The following CACNA1H variants were observed in gnomAD, a reference collection of about 807,000 sequenced individuals.
The protein encoded by CACNA1H is voltage-dependent T-type calcium channel subunit alpha-1H.
A neutral mutation model predicts 192.5 loss-of-function variants in CACNA1H; 149 were observed. The ratio of observed to expected loss-of-function variants is 0.77; its 90% CI spans 0.68 to 0.89. CACNA1H has a LOEUF of 0.89. Ranked by LOEUF, CACNA1H falls within the 40% of genes least tolerant of loss-of-function variation. The pLI is 0.00. For synonymous variants in CACNA1H, 2,202 were observed against 1,475.2 expected (o/e 1.49, Z -11.29); for missense variants, 4,257 against 3,423.5 (o/e 1.24, Z -6.08).
intron 17 of CACNA1H, 61 bp from the exon 18 acceptor site, chr16:1,209,974 C>A: frequency 7.8e-7 from 1 of 1,279,748 alleles, no homozygotes; most frequent in Non-Finnish European, 1.1e-6. Flanking sequence ...GCACAGAGGG[C>A]CCTGATGGGG....
intron 2 of CACNA1H, among the ~76,000 whole-genome samples, chr16:1,174,024 C>T (rs904718407): frequency 1.3e-5 from 2 of 152,168 alleles, no homozygotes; most frequent in Admixed American, 6.5e-5. Flanking sequence ...TCACATCATG[C>T]GGGCCTGTGG....
chr16:1,218,373 C>T lies in CACNA1H; in HGVS notation c.5609C>T (p.Ala1870Val), dbSNP rs773943668. Residue 1870 changes from alanine to valine, a missense_variant, in exon 33 of 35, where the codon GCA becomes GTA. By Grantham distance (64) the Ala-to-Val change is moderately conservative. Coordinates refer to ENST00000348261, the MANE Select transcript of CACNA1H (RefSeq NM_021098.3). ...MKHLEESNKEAREDAELDAEI... is the reference protein window; with the variant it reads ...MKHLEESNKEVREDAELDAEI... Reference sequence around the variant, plus strand: ...CACCTGGAGGAGAGCAACAAGGAGGCACGGGAGGATGCGGAGCTGGACGCC... The same window carrying T: ...CACCTGGAGGAGAGCAACAAGGAGGTACGGGAGGATGCGGAGCTGGACGCC... 6.4e-7 allele frequency: 1 copy of T among 1,561,938 alleles called. No individual in the cohort carries two copies. Among genetic ancestry groups the T allele is most frequent in the East Asian group, 2.4e-5 (1 of 41,628 alleles).
intron 6 of CACNA1H, among the ~76,000 whole-genome samples, chr16:1,199,896 G>C (rs1448734130): frequency 6.6e-6 from 1 of 152,022 alleles, no homozygotes; most frequent in African/African-American, 2.4e-5. Context: ...TCTGAGCCTG[G>C]GTTTCTGGCT....
intron 13 of CACNA1H, 51 bp from the exon 14 acceptor site, chr16:1,207,224 C>G (rs1404554566): frequency 6.4e-7 from 1 of 1,562,502 alleles, no homozygotes; most frequent in Non-Finnish European, 8.7e-7. Flanking sequence ...CAAGGACTTG[C>G]CGGCATTTCG....
chr16:1,172,287 C>T (rs963222980), intron 2 of CACNA1H, among the ~76,000 whole-genome samples: 1 of 152,194 alleles, frequency 6.6e-6, no homozygotes, highest in Non-Finnish European at 1.5e-5. Context: ...AGTGCATCAC[C>T]GCAGCCTTGC....
intron 26 of CACNA1H, 96 bp downstream of exon 26, chr16:1,212,624 T>C (rs1969593748): frequency 6.9e-7 from 1 of 1,442,190 alleles, no homozygotes. Flanking sequence ...CTCCGCAGGG[T>C]GGGCACAGGC....
At chr16:1,179,957 G>T (rs1228280422) in intron 2 of CACNA1H, among the ~76,000 whole-genome samples, 4 of 151,872 alleles carry the variant, frequency 2.6e-5, no homozygotes, top group Non-Finnish European at 4.4e-5. Flanking sequence ...GGCTGGTGTT[G>T]AACTCCTGAC....
chr16:1,196,988 G>C (rs1967061453), intron 5 of CACNA1H, among the ~76,000 whole-genome samples: 1 of 152,166 alleles, frequency 6.6e-6, no homozygotes, highest in African/African-American at 2.4e-5. Flanking sequence ...CCTGACCTGG[G>C]TCCTGGTGGC....
chr16:1,200,162 A>T, intron 6 of CACNA1H, 94 bp from the exon 7 acceptor site: 1 of 1,012,480 alleles, frequency 9.9e-7, no homozygotes, highest in Non-Finnish European at 1.4e-6. Flanking sequence ...CACGTCCCTG[A>T]CCTTGATCAC....
At chr16:1,184,940 C>T (rs767939368) in intron 2 of CACNA1H, among the ~76,000 whole-genome samples, 26 of 152,138 alleles carry the variant, frequency 1.7e-4, no homozygotes, top group Non-Finnish European at 2.4e-4. Context: ...GATTTTAAAG[C>T]GCACGGGTTA....
intron 8 of CACNA1H, 130 bp from the exon 9 acceptor site, chr16:1,201,533 C>T: frequency 1.7e-6 from 2 of 1,143,016 alleles, no homozygotes; most frequent in African/African-American, 1.6e-5. Context: ...GCAGCCTGCC[C>T]ATAGCAGGGC....
rs1322040044 is a variant in CACNA1H at position 1,198,610 on chromosome 16, C to A, written c.644-5C>A. 1.2e-6 allele frequency: 2 copies of A among 1,612,412 alleles called. No homozygotes were observed. The highest frequency in any genetic ancestry group is 2.2e-5 in the South Asian group (2 of 91,086). On this transcript the variant is annotated splice_region_variant and splice_polypyrimidine_tract_variant and intron_variant, in intron 5 of 34. Coordinates refer to ENST00000348261, the MANE Select transcript of CACNA1H (RefSeq NM_021098.3). ...CAGTGCCAATCCTGGCCCTGCTGCC[C>A]ACAGGCATGCGGATCCTGGTCACTC...
intron 20 of CACNA1H, 58 bp from the exon 21 acceptor site, chr16:1,210,729 C>T: frequency 1.3e-6 from 2 of 1,582,486 alleles, no homozygotes; most frequent in Non-Finnish European, 1.7e-6. Flanking sequence ...CAGCAGCGCG[C>T]CAGCTCCCCA....
Position 1,207,274 on chromosome 16 carries a change from G to C in CACNA1H, c.2908-1G>C. ...ACCCCAGGCCCCCTGCTATCCCCCA[G>C]ATCCTGACCCAGGAGGACTGGAACG... On this transcript the variant is annotated splice_acceptor_variant, in intron 13 of 34. Coordinates refer to ENST00000348261, the MANE Select transcript of CACNA1H (RefSeq NM_021098.3). LOFTEE classifies it high-confidence loss of function. The C allele has an allele frequency of 6.2e-7, 1 of 1,605,382 alleles. No individual in the cohort carries two copies. The highest frequency in any genetic ancestry group is 8.5e-7 in the Non-Finnish European group (1 of 1,175,484).
In CACNA1H at chr16:1,211,538, A is replaced by G. The variant is rs984851087; in HGVS notation, c.4408A>G (p.Lys1470Glu). ...CCCCGACACCAGGAACATCTCCACCAAGGCACAGTGCCGGGCCGCCCACTA... is the reference window on the plus strand; with the variant it reads ...CCCCGACACCAGGAACATCTCCACCGAGGCACAGTGCCGGGCCGCCCACTA... ...EGPDTRNIST[K>E]AQCRAAHYRW... Residue 1470 changes from lysine (K) to glutamate (E), a missense_variant, in exon 23 of 35, where the codon AAG becomes GAG. Transcript: ENST00000348261. The G allele has an allele frequency of 3.7e-5, 59 of 1,612,234 alleles. No homozygotes were observed. The highest frequency in any genetic ancestry group is 4.8e-5 in the Non-Finnish European group (57 of 1,179,696).
At chr16:1,202,847 C>T (rs1055762663) in intron 9 of CACNA1H, among the ~76,000 whole-genome samples, 8 of 152,084 alleles carry the variant, frequency 5.3e-5, no homozygotes, top group Non-Finnish European at 1.0e-4. Context: ...TTGAGGCTGG[C>T]CCCCCTTCTA....
intron 26 of CACNA1H, among the ~76,000 whole-genome samples, chr16:1,213,273 G>C (rs1969670776): frequency 6.6e-6 from 1 of 152,208 alleles, no homozygotes. Context: ...CCCAGACCCA[G>C]AGATGGAGTG....
intron 2 of CACNA1H, among the ~76,000 whole-genome samples, chr16:1,162,604 T>C (rs1033910509): frequency 6.9e-6 from 1 of 144,504 alleles, no homozygotes; most frequent in Non-Finnish European, 1.5e-5. Context: ...GGTTAGAAGC[T>C]GCCCCGCACG....
intron 9 of CACNA1H, among the ~76,000 whole-genome samples, chr16:1,202,818 G>A (rs944890036): frequency 6.6e-6 from 1 of 152,154 alleles, no homozygotes; most frequent in South Asian, 2.1e-4. Flanking sequence ...TGGAGGACGT[G>A]CAGCGTCCTT....
Sources: gnomAD v4.1 joint callset for allele counts (sites outside exome capture counted in the v4.1 genomes callset) on GRCh38, gnomAD v4.1.1 for gene constraint, MANE v1.5 for transcripts, NCBI Gene and HGNC (gene_info 2026-07-23, HGNC 2026-07-21) for gene names.